CCDC39: variants seen among roughly 807,000 people sequenced by gnomAD.
The protein encoded by CCDC39 is coiled-coil domain 39 molecular ruler complex subunit.
Under a neutral mutation model 121.0 loss-of-function variants are expected in CCDC39, and 113 were observed. That is an observed-to-expected ratio of 0.93 (90% CI 0.80 to 1.09). The LOEUF is 1.09. Among genes scored for constraint, CCDC39 ranks in the 50% least tolerant of loss-of-function variants. The pLI is 0.00. For missense variants in CCDC39, 1,063 were observed against 1,074.7 expected, an observed-to-expected ratio of 0.99 and a Z score of 0.15; for synonymous variants, 349 against 352.2, an observed-to-expected ratio of 0.99 and a Z score of 0.10.
chr3:180,622,207 C>G (rs1717447217), intron 14 of CCDC39, among the ~76,000 whole-genome samples: 1 of 152,054 alleles, frequency 6.6e-6, no homozygotes, highest in Non-Finnish European at 1.5e-5. Flanking sequence ...TCATTTGGTT[C>G]TCAGCTATAT....
At chr3:180,622,182 A>G (rs1172954428) in intron 14 of CCDC39, among the ~76,000 whole-genome samples, 1 of 152,070 alleles carries the variant, frequency 6.6e-6, no homozygotes, top group Non-Finnish European at 1.5e-5. Flanking sequence ...TCTGTTATAA[A>G]TGGAATTGCC....
intron 13 of CCDC39, among the ~76,000 whole-genome samples, chr3:180,639,136 A>T (rs1168534787): frequency 6.6e-6 from 1 of 152,156 alleles, no homozygotes; most frequent in African/African-American, 2.4e-5. Context: ...AGCCAGGGTC[A>T]GTAAACCATC....
intron 14 of CCDC39, among the ~76,000 whole-genome samples, chr3:180,625,828 G>A (rs1052131856): frequency 2.0e-5 from 3 of 151,816 alleles, no homozygotes; most frequent in African/African-American, 7.3e-5. Context: ...CTGGGGTCTA[G>A]GATGCCAGGT....
chr3:180,618,208 A>G (rs1203843719), intron 16 of CCDC39, among the ~76,000 whole-genome samples: 2 of 152,168 alleles, frequency 1.3e-5, no homozygotes, highest in Non-Finnish European at 2.9e-5. Context: ...TCATCAGAAC[A>G]CATTCCCATT....
chr3:180,625,640 T>C (rs1023855554), intron 14 of CCDC39, among the ~76,000 whole-genome samples: 2 of 152,180 alleles, frequency 1.3e-5, no homozygotes, highest in African/African-American at 4.8e-5. Context: ...TTGAAATTGC[T>C]TTCCTAGGAG....
At position 180,652,188 on chromosome 3, in the gene CCDC39, T is replaced by G; in HGVS notation, c.1009A>C (p.Lys337Gln). 3.3e-6 allele frequency: 5 copies of G among 1,530,030 alleles called. No individual in the cohort carries two copies. Among genetic ancestry groups the G allele is most frequent in the Non-Finnish European group, 4.4e-6 (5 of 1,137,358 alleles). The allele number at this position is 1,530,030 out of a possible 1,614,324, so 94.8% of individuals were successfully genotyped here. A position where few individuals can be genotyped will look rare whatever the true frequency, so the allele number is the denominator to read the frequency against. The change falls in exon 8 of 20, where the codon AAG (lysine) becomes CAG (glutamine). Residue 337 changes from lysine to glutamine, a missense_variant. Lys to Gln is a moderately conservative substitution (Grantham distance 53). Coordinates refer to ENST00000476379, the MANE Select transcript of CCDC39 (RefSeq NM_181426.2). Reference sequence around the variant, plus strand: ...CTTGCTGTTTCTTCATGAATGTCCTTCTTTATCTTGGAAATATTTTTCCTC... The same window carrying G: ...CTTGCTGTTTCTTCATGAATGTCCTGCTTTATCTTGGAAATATTTTTCCTC... The part of the protein sequence containing the change: ...ALRKNISKIK[K>Q]DIHEETARLQ...
At chr3:180,665,281 T>C (rs981433136) in intron 1 of CCDC39, among the ~76,000 whole-genome samples, 1 of 152,162 alleles carries the variant, frequency 6.6e-6, no homozygotes, top group African/African-American at 2.4e-5. Context: ...AAATAAATCC[T>C]TGGGAAATTA....
chr3:180,621,861 G>A (rs941375727), intron 14 of CCDC39, among the ~76,000 whole-genome samples: 2 of 152,126 alleles, frequency 1.3e-5, no homozygotes, highest in African/African-American at 4.8e-5. Flanking sequence ...GTCAGATGAT[G>A]TAATCCCTCC....
chr3:180,654,815 AT>A lies in CCDC39; in HGVS notation c.876del (p.Lys292AsnfsTer16). On this transcript the variant is annotated frameshift_variant, in exon 7 of 20. Coordinates refer to ENST00000476379, the MANE Select transcript of CCDC39 (RefSeq NM_181426.2). LOFTEE classifies it high-confidence loss of function. ...TCATGGTCCTGATATGCCGTTCTAC[AT>A]TTTAAAAGTTTACGATCAGCCACAG... ...RISVADRKLL[K>X]CRTAYQDHET... 1 of 1,611,028 alleles carries A rather than the reference AT, an allele frequency of 6.2e-7. No homozygotes were observed. The highest frequency in any genetic ancestry group is 8.5e-7 in the Non-Finnish European group (1 of 1,178,674).
Position 180,679,318 on chromosome 3 carries a change from G to C in CCDC39, c.63C>G (p.Asn21Lys). The C allele has an allele frequency of 6.2e-7, 1 of 1,613,814 alleles. No individual in the cohort carries two copies. The highest frequency in any genetic ancestry group is 8.5e-7 in the Non-Finnish European group (1 of 1,179,832). The stretch of plus-strand genomic sequence containing the variant: ...GATCTTCCAGTAGCTTGTTCTCCTC[G>C]TTCGCCACCGGGATGGCGAACCCAT... ...WEDGFAIPVA[N>K]EENKLLEDQL... is the part of the protein sequence containing the mutation. The change falls in exon 1 of 20, where the codon AAC becomes AAG. Residue 21 changes from asparagine (N) to lysine (K), a missense_variant. Transcript: ENST00000476379. The surrounding 1 kb of genome is among the most constrained non-coding windows in gnomAD (Gnocchi z 4.0).
At chr3:180,655,248 G>T (rs1711553410) in intron 6 of CCDC39, among the ~76,000 whole-genome samples, 1 of 152,006 alleles carries the variant, frequency 6.6e-6, no homozygotes, top group Admixed American at 6.6e-5. Flanking sequence ...ACCTACAAAT[G>T]TAACAGTGTT....
intron 8 of CCDC39, 31 bp downstream of exon 8, chr3:180,652,132 C>A: frequency 1.8e-6 from 2 of 1,136,920 alleles, no homozygotes; most frequent in South Asian, 3.1e-5. Flanking sequence ...AAAAAATAAT[C>A]ATAAACATAT....
intron 14 of CCDC39, among the ~76,000 whole-genome samples, chr3:180,622,060 A>G (rs1717443748): frequency 6.6e-6 from 1 of 152,062 alleles, no homozygotes; most frequent in Admixed American, 6.6e-5. Context: ...ATGAGCATGT[A>G]ATGTTTTTAC....
chr3:180,618,810 T>A (rs1450157455), intron 16 of CCDC39, among the ~76,000 whole-genome samples: 2 of 152,156 alleles, frequency 1.3e-5, no homozygotes, highest in Non-Finnish European at 2.9e-5. Context: ...TCTATCATTG[T>A]TGGACATTTG....
In CCDC39 at chr3:180,619,922, C is replaced by T. The variant is rs1404615947; in HGVS notation, c.2047G>A (p.Ala683Thr). 2 of 1,609,188 alleles carry T rather than the reference C, an allele frequency of 1.2e-6. No individual in the cohort carries two copies. Among genetic ancestry groups the T allele is most frequent in the Non-Finnish European group, 1.7e-6 (2 of 1,177,756 alleles). ...TCTTTTTCAGCTTTGTTGATCTTGG[C>T]ATCCAAACAGTCACCTTCCCTTTGA... ...ELQREGDCLD[A>T]KINKAEKEIY... Residue 683 changes from alanine to threonine, a missense_variant, in exon 15 of 20, where the codon GCC (alanine) becomes ACC (threonine). By Grantham distance (58) the Ala-to-Thr change is moderately conservative. Transcript: ENST00000476379.
At position 180,679,151 on chromosome 3, in the gene CCDC39, G is replaced by T; in HGVS notation, c.90+140C>A. 1.4e-6 allele frequency: 1 copy of T among 722,766 alleles called. No homozygotes were observed. Among genetic ancestry groups the T allele is most frequent in the Non-Finnish European group, 2.5e-6 (1 of 393,486 alleles). The allele number at this position is 722,766 out of a possible 1,614,324, so 44.8% of individuals were successfully genotyped here. A position where few individuals can be genotyped will look rare whatever the true frequency, so the allele number is the denominator to read the frequency against. On this transcript the variant is annotated intron_variant, in intron 1 of 19. Coordinates refer to ENST00000476379, the MANE Select transcript of CCDC39 (RefSeq NM_181426.2). The surrounding 1 kb of genome is among the most constrained non-coding windows in gnomAD (Gnocchi z 4.0). ...ATAGGCAGAGAGGGTAAGGGAGGAGGGCGATGGTGCGGGGGAGTGTTAGAG... is the reference window on the plus strand; with the variant it reads ...ATAGGCAGAGAGGGTAAGGGAGGAGTGCGATGGTGCGGGGGAGTGTTAGAG...
chr3:180,647,591 G>A (rs1465501946), intron 10 of CCDC39, among the ~76,000 whole-genome samples: 1 of 151,922 alleles, frequency 6.6e-6, no homozygotes, highest in African/African-American at 2.4e-5. Context: ...TACAAAACAG[G>A]TAGTCACTAA....
chr3:180,659,410 C>A (rs377441222), intron 6 of CCDC39, 42 bp downstream of exon 6: 2 of 1,601,906 alleles, frequency 1.2e-6, no homozygotes, highest in African/African-American at 2.7e-5. Context: ...ACAAAAGAGA[C>A]AAATGCAGCT....
chr3:180,622,790 G>C (rs1167754350), intron 14 of CCDC39, among the ~76,000 whole-genome samples: 1 of 151,992 alleles, frequency 6.6e-6, no homozygotes, highest in Non-Finnish European at 1.5e-5. Context: ...TTATCTTCCT[G>C]ATGTGCTGTT....
Sources: allele counts gnomAD v4.1 joint callset (sites outside exome capture counted in the v4.1 genomes callset), GRCh38; gene constraint gnomAD v4.1.1; non-coding constraint Gnocchi (gnomAD v3.1); transcripts MANE v1.5; gene names NCBI Gene and HGNC (gene_info 2026-07-23, HGNC 2026-07-21).